MAPK6: variants seen among roughly 807,000 people sequenced by gnomAD.
MAPK6 encodes mitogen-activated protein kinase 6.
A neutral mutation model predicts 59.3 loss-of-function variants in MAPK6; 19 were observed. The observed-to-expected ratio is 0.32, with a 90% CI of 0.22 to 0.47. MAPK6 has a LOEUF of 0.47. Ranked by LOEUF, MAPK6 falls within the 20% of genes least tolerant of loss-of-function variation. The pLI, the probability that MAPK6 is intolerant of heterozygous loss-of-function variation, is 1.00. For synonymous variants in MAPK6, 316 were observed against 290.3 expected, an observed-to-expected ratio of 1.09 and a Z score of -0.90; for missense variants, 724 against 847.9, an observed-to-expected ratio of 0.85 and a Z score of 1.81.
chr15:52,032,125 C>T (rs1307244662), intron 1 of MAPK6, among the ~76,000 whole-genome samples: 12 of 151,530 alleles, frequency 7.9e-5, no homozygotes, highest in South Asian at 4.2e-4. Flanking sequence ...CCGCCTGCCT[C>T]GGCCTCCCAA....
intron 5 of MAPK6, among the ~76,000 whole-genome samples, chr15:52,062,789 G>A (rs2032255254): frequency 6.6e-6 from 1 of 151,876 alleles, no homozygotes; most frequent in Non-Finnish European, 1.5e-5. Flanking sequence ...ATACATTTCT[G>A]GGGAAGTTTA....
intron 3 of MAPK6, among the ~76,000 whole-genome samples, chr15:52,053,610 GATT>G (rs2031860412): frequency 4.2e-4 from 1 of 2,356 alleles, no homozygotes; most frequent in Non-Finnish European, 9.4e-4. Flanking sequence ...TTGGTTGATT[GATT>G]GATTGATTGA....
intron 2 of MAPK6, among the ~76,000 whole-genome samples, chr15:52,003,209 A>G (rs1195424409): frequency 6.6e-6 from 1 of 151,962 alleles, no homozygotes; most frequent in Non-Finnish European, 1.5e-5. Context: ...CAAAAAACAA[A>G]CAAAAAAAAC....
Position 51,991,184 on chromosome 15 carries a change from T to C in MAPK6, c.-770+7869T>C, listed in dbSNP as rs981447962. Among the ~76,000 whole-genome samples the C allele has an allele frequency of 1.8e-4, 25 of 138,406 alleles. No individual in the cohort carries two copies. The South Asian group carries it at 3.5e-3, about 19-fold the overall frequency. 90.8% of individuals were successfully genotyped at this position (138,406 alleles called of 152,430 possible). ...ACACACACACACACACACACACATA[T>C]ATATATGTATATGTATATATGTACA... On this transcript the variant is annotated intron_variant, in intron 2 of 7. Transcript: ENST00000691380.
chr15:51,992,126 GTTTGTATTT>G (rs1458145985), intron 2 of MAPK6, among the ~76,000 whole-genome samples: 1 of 151,488 alleles, frequency 6.6e-6, no homozygotes, highest in Admixed American at 6.6e-5. Flanking sequence ...TTGGCTCGTT[GTTTGTATTT>G]TTTGTAGAGA....
chr15:51,983,006 T>G (rs552060479), intron 1 of MAPK6, among the ~76,000 whole-genome samples: 1 of 152,316 alleles, frequency 6.6e-6, no homozygotes, highest in East Asian at 1.9e-4. Context: ...TAAGTTTAAC[T>G]TTCAGATGTG....
intron 3 of MAPK6, among the ~76,000 whole-genome samples, chr15:52,053,667 T>A (rs1016140969): frequency 4.0e-5 from 6 of 151,466 alleles, no homozygotes; most frequent in Non-Finnish European, 8.8e-5. Context: ...TAAGACAGAG[T>A]CTTGCTCTCT....
At position 52,063,891 on chromosome 15, in the gene MAPK6, A is replaced by AT. The variant is rs758642801; in HGVS notation, c.1068-4dup. 9.5e-4 allele frequency: 1,455 copies of AT among 1,532,024 alleles called. 2 individuals are homozygous for AT. Among genetic ancestry groups the AT allele is most frequent in the Non-Finnish European group, 1.2e-3 (1,376 of 1,142,308 alleles). 94.9% of individuals were successfully genotyped at this position (1,532,024 alleles called of 1,614,324 possible). On this transcript the variant is annotated splice_polypyrimidine_tract_variant and intron_variant, in intron 5 of 5. Coordinates refer to ENST00000261845, the MANE Select transcript of MAPK6 (RefSeq NM_002748.4). The stretch of plus-strand genomic sequence containing the variant: ...TACGTAGAATAACGCTAGTGTATTG[A>AT]TTTTTTTCAGGTATCATGATTGTCA...
intron 2 of MAPK6, among the ~76,000 whole-genome samples, chr15:51,990,150 G>C (rs1162671235): frequency 6.6e-6 from 1 of 152,192 alleles, no homozygotes; most frequent in East Asian, 1.9e-4. Context: ...AGGCTTGTGA[G>C]AAGGATACAA....
intron 3 of MAPK6, among the ~76,000 whole-genome samples, chr15:52,058,314 G>C (rs2032059927): frequency 6.6e-6 from 1 of 152,124 alleles, no homozygotes; most frequent in South Asian, 2.1e-4. Context: ...TAAATTAGTG[G>C]TACAGTTAAG....
At chr15:51,983,538 G>T (rs902407700) in intron 2 of MAPK6, among the ~76,000 whole-genome samples, 16 of 151,902 alleles carry the variant, frequency 1.1e-4, no homozygotes, top group African/African-American at 3.9e-4. Context: ...GGGCTGATGT[G>T]GTGGCTCTTG....
chr15:52,049,679 A>G (rs1039115261), intron 2 of MAPK6, among the ~76,000 whole-genome samples: 20 of 145,206 alleles, frequency 1.4e-4, no homozygotes, highest in African/African-American at 4.9e-4. Flanking sequence ...CAGTGGCACA[A>G]TCTCGGCTCA....
At chr15:52,029,312 T>C (rs1424378647) in intron 1 of MAPK6, among the ~76,000 whole-genome samples, 9 of 152,158 alleles carry the variant, frequency 5.9e-5, no homozygotes, top group African/African-American at 2.2e-4. Flanking sequence ...CACCTAGCTT[T>C]GTTTTTTTTT....
At chr15:52,014,888 T>G (rs1343315145), upstream of MAPK6, among the ~76,000 whole-genome samples, 1 of 152,240 alleles carries the variant, frequency 6.6e-6, no homozygotes, top group Non-Finnish European at 1.5e-5. Flanking sequence ...CAATGCTCTC[T>G]TATTTAGTTT....
intron 1 of MAPK6, among the ~76,000 whole-genome samples, chr15:51,973,212 A>G (rs1014981545): frequency 6.6e-6 from 1 of 151,960 alleles, no homozygotes; most frequent in Non-Finnish European, 1.5e-5. Context: ...GCTTTTGTGT[A>G]TGAAGCGGAT....
chr15:52,056,519 C>T (rs2031989513), intron 3 of MAPK6, among the ~76,000 whole-genome samples: 1 of 152,188 alleles, frequency 6.6e-6, no homozygotes, highest in Non-Finnish European at 1.5e-5. Context: ...TGTCCTCCAC[C>T]AGAAACCACT....
At chr15:52,063,639 G>T (rs2032295895) in intron 5 of MAPK6, among the ~76,000 whole-genome samples, 2 of 151,974 alleles carry the variant, frequency 1.3e-5, no homozygotes, top group African/African-American at 4.8e-5. Flanking sequence ...GCATTTTGTG[G>T]CTATGAAGTC....
chr15:51,975,849 G>C (rs182097986), intron 1 of MAPK6, among the ~76,000 whole-genome samples: 13 of 151,948 alleles, frequency 8.6e-5, no homozygotes, highest in Admixed American at 7.9e-4. Context: ...TGATTTCTTG[G>C]AAGACACATG....
intron 1 of MAPK6, among the ~76,000 whole-genome samples, chr15:52,031,209 A>G (rs773068824): frequency 4.6e-5 from 7 of 152,156 alleles, no homozygotes; most frequent in African/African-American, 7.2e-5. Flanking sequence ...CCGGGACTAC[A>G]GGTGTGAGCC....
Sources: gnomAD v4.1 joint callset for allele counts (sites outside exome capture counted in the v4.1 genomes callset) on GRCh38, gnomAD v4.1.1 for gene constraint, MANE v1.5 for transcripts, NCBI Gene and HGNC (gene_info 2026-07-23, HGNC 2026-07-21) for gene names.